The following FAT3 variants were observed in gnomAD, a reference collection of about 807,000 sequenced individuals.
The protein encoded by FAT3 is protocadherin Fat 3.
FAT3 carries 95 observed loss-of-function variants against 310.2 expected under a neutral mutation model. That is an observed-to-expected ratio of 0.31 (90% CI 0.26 to 0.36). The LOEUF (loss-of-function observed/expected upper bound fraction) is 0.36. Ranked by LOEUF, FAT3 falls within the 10% of genes least tolerant of loss-of-function variation. FAT3 has a pLI of 1.00. For synonymous variants in FAT3, 2,314 were observed against 2,192.9 expected (o/e 1.06, Z -1.54); for missense variants, 5,408 against 5,715.6 (o/e 0.95, Z 1.74).
chr11:92,851,505 C>A (rs111278071), intron 19 of FAT3, among the ~76,000 whole-genome samples: 2 of 152,128 alleles, frequency 1.3e-5, no homozygotes, highest in African/African-American at 2.4e-5. Flanking sequence ...TCCAGGTCTG[C>A]GTCTATGTCA....
chr11:92,843,820 A>G (rs1948607296), intron 18 of FAT3, 114 bp from the exon 19 acceptor site: 1 of 996,944 alleles, frequency 1.0e-6, no homozygotes, highest in Non-Finnish European at 1.5e-6. Flanking sequence ...AGTGGCAAGG[A>G]ATGAAGGAAG....
At chr11:92,457,355 T>C (rs542566567) in intron 2 of FAT3, among the ~76,000 whole-genome samples, 26 of 152,262 alleles carry the variant, frequency 1.7e-4, no homozygotes, top group African/African-American at 6.3e-4. Flanking sequence ...ATTGCAGGTC[T>C]AGTGTGGTGT....
At chr11:92,463,007 A>G (rs1357755579) in intron 2 of FAT3, among the ~76,000 whole-genome samples, 3 of 152,194 alleles carry the variant, frequency 2.0e-5, no homozygotes, top group African/African-American at 4.8e-5. Flanking sequence ...CAATTGTGCA[A>G]AGAAACAAGA....
chr11:92,344,752 G>A (rs531433467), intron 1 of FAT3, among the ~76,000 whole-genome samples: 3 of 152,208 alleles, frequency 2.0e-5, no homozygotes, highest in South Asian at 4.2e-4. Context: ...GATGGAAAAG[G>A]CATTAAGTTT....
chr11:92,380,072 CGTGT>C (rs34789717), intron 2 of FAT3, among the ~76,000 whole-genome samples: 15,201 of 145,182 alleles, frequency 0.1, 1,181 homozygotes, highest in African/African-American at 0.23. Flanking sequence ...CAAACTGATT[CGTGT>C]GTGTGTGTGT....
At chr11:92,564,500 T>C (rs1955357008) in intron 3 of FAT3, among the ~76,000 whole-genome samples, 1 of 151,348 alleles carries the variant, frequency 6.6e-6, no homozygotes, top group South Asian at 2.1e-4. Context: ...TCAACAAGGA[T>C]ACCCAGGAAT....
chr11:92,837,567 T>G, intron 16 of FAT3, 96 bp from the exon 17 acceptor site: 2 of 1,462,242 alleles, frequency 1.4e-6, no homozygotes, highest in Non-Finnish European at 1.9e-6. Context: ...GGTTGCTCTT[T>G]AACAAAGCAC....
chr11:92,333,898 C>T (rs967969478), intron 1 of FAT3, among the ~76,000 whole-genome samples: 1 of 152,018 alleles, frequency 6.6e-6, no homozygotes, highest in Non-Finnish European at 1.5e-5. Context: ...CCCCTCCCCC[C>T]CAACAAAAGC....
chr11:92,234,902 CAAAA>C (rs35407952), intron 1 of FAT3, among the ~76,000 whole-genome samples: 1 of 99,698 alleles, frequency 1.0e-5, no homozygotes, highest in Admixed American at 9.9e-5. Flanking sequence ...GACTCCGTCT[CAAAA>C]AAAAAAAAAA....
At chr11:92,700,817 C>G (rs1194049898) in intron 4 of FAT3, among the ~76,000 whole-genome samples, 5 of 152,174 alleles carry the variant, frequency 3.3e-5, no homozygotes, top group Admixed American at 3.3e-4. Flanking sequence ...CTCTTATGCA[C>G]ACTGTCTCAC....
At chr11:92,879,276 G>C (rs1380616586) in intron 22 of FAT3, among the ~76,000 whole-genome samples, 5 of 152,168 alleles carry the variant, frequency 3.3e-5, no homozygotes, top group African/African-American at 1.2e-4. Context: ...AAATGAGAGA[G>C]TAAACCAAGA....
chr11:92,364,562 A>G (rs1948965892), intron 2 of FAT3, among the ~76,000 whole-genome samples: 1 of 152,268 alleles, frequency 6.6e-6, no homozygotes, highest in African/African-American at 2.4e-5. Context: ...ATGTGATGCC[A>G]CTACATTCAC....
Position 92,355,329 on chromosome 11 carries a change from G to C in FAT3, c.3217G>C (p.Gly1073Arg), listed in dbSNP as rs757716444. 1 of 1,613,796 alleles carries C rather than the reference G, an allele frequency of 6.2e-7. No homozygotes were observed. Among genetic ancestry groups the C allele is most frequent in the South Asian group, 1.1e-5 (1 of 91,070 alleles). The change falls in exon 2 of 28, where the codon GGA becomes CGA. Residue 1073 changes from glycine (G) to arginine (R), a missense_variant. By Grantham distance (125) the Gly-to-Arg change is moderately radical. Coordinates refer to ENST00000525166, the MANE Select transcript of FAT3 (RefSeq NM_001367949.2). The part of the protein sequence containing the change: ...LQVTARDEDS[G>R]RDGEIQYSIR... ...GGTGACTGCTCGAGATGAAGACTCC[G>C]GAAGGGATGGAGAGATCCAGTACTC...
At chr11:92,306,735 TTA>T (rs573092831) in intron 1 of FAT3, among the ~76,000 whole-genome samples, 1 of 123,128 alleles carries the variant, frequency 8.1e-6, no homozygotes, top group South Asian at 2.2e-4. Flanking sequence ...ATATATATAT[TTA>T]TATATAAATA....
intron 2 of FAT3, among the ~76,000 whole-genome samples, chr11:92,465,836 A>G (rs1219566693): frequency 2.0e-5 from 3 of 151,830 alleles, no homozygotes; most frequent in Non-Finnish European, 4.4e-5. Flanking sequence ...ACGTTGTAAA[A>G]CTTAAAGTAT....
rs1158454964 is a variant in FAT3 at position 92,352,906 on chromosome 11, C to T, written c.794C>T (p.Thr265Ile). Residue 265 changes from threonine to isoleucine, a missense_variant, in exon 2 of 28, where the codon ACA becomes ATA. By Grantham distance (89) the Thr-to-Ile change is moderately conservative (BLOSUM62 -1). Around this residue, in one of 5 missense-constraint regions of FAT3, gnomAD observed 4,588 missense variants for 4,809.8 expected, o/e 0.95. Coordinates refer to ENST00000525166, the MANE Select transcript of FAT3 (RefSeq NM_001367949.2). ...GAGCGCATAAATGAACATGCCCCAA[C>T]AATCCATGTAGTCACTCATGTTCCT... ...HIERINEHAP[T>I]IHVVTHVPFS... 1.2e-6 allele frequency: 2 copies of T among 1,613,746 alleles called. No homozygotes were observed. The highest frequency in any genetic ancestry group is 1.7e-6 in the Non-Finnish European group (2 of 1,179,870).
At position 92,887,118 on chromosome 11, in the gene FAT3, G is replaced by GCT; in HGVS notation, c.13051+5_13051+6insCT. The GCT allele has an allele frequency of 6.2e-7, 1 of 1,604,556 alleles. No homozygotes were observed. Among genetic ancestry groups the GCT allele is most frequent in the Non-Finnish European group, 8.5e-7 (1 of 1,175,488 alleles). On this transcript the variant is annotated splice_donor_region_variant and intron_variant, in intron 25 of 27. Transcript: ENST00000525166. Reference sequence around the variant, plus strand: ...CAGATTCTGGTGACGACAATGGTAAGAAGTCATCAGATTTGTTCGGAGCGG... The same window carrying GCT: ...CAGATTCTGGTGACGACAATGGTAAGCTAAGTCATCAGATTTGTTCGGAGCGG...
intron 2 of FAT3, among the ~76,000 whole-genome samples, chr11:92,513,390 G>A (rs1401502276): frequency 2.6e-5 from 4 of 152,132 alleles, no homozygotes; most frequent in African/African-American, 9.7e-5. Flanking sequence ...GAACAAGAAA[G>A]AAAAATAGTA....
intron 3 of FAT3, among the ~76,000 whole-genome samples, chr11:92,527,834 T>TACATAGATAGATACATAGATACATAG (rs1440847471): frequency 6.6e-6 from 1 of 152,048 alleles, no homozygotes; most frequent in Non-Finnish European, 1.5e-5. Flanking sequence ...GATAGATAGA[T>TACATAGATAGATACATAGATACATAG]ACATAGATAG....
Sources: gnomAD v4.1 joint callset for allele counts (sites outside exome capture counted in the v4.1 genomes callset) on GRCh38, gnomAD v4.1.1 for gene constraint, gnomAD v4.1.1 regional missense constraint, MANE v1.5 for transcripts, NCBI Gene and HGNC (gene_info 2026-07-23, HGNC 2026-07-21) for gene names.